Variants in MRE11 observed in about 807,000 individuals in gnomAD.
MRE11 encodes double-strand break repair protein MRE11.
A neutral mutation model predicts 91.7 loss-of-function variants in MRE11; 62 were observed. That is an observed-to-expected ratio of 0.68 (90% CI 0.55 to 0.84). The LOEUF (loss-of-function observed/expected upper bound fraction) is 0.84. Among genes scored for constraint, MRE11 ranks in the 40% least tolerant of loss-of-function variants. The probability of loss-of-function intolerance (pLI) is 0.00; values close to 1 mark genes in which losing one functional copy is unlikely to be tolerated. For missense variants in MRE11, 796 were observed against 852.9 expected (o/e 0.93, Z 0.83); for synonymous variants, 273 against 271.4 (o/e 1.01, Z -0.06).
intron 5 of MRE11, 84 bp from the exon 6 acceptor site, chr11:94,478,960 A>G (rs1946945735): frequency 7.1e-7 from 1 of 1,413,138 alleles, no homozygotes; most frequent in South Asian, 1.2e-5. Flanking sequence ...TTAAAAGCAT[A>G]CTCCATATTC....
chr11:94,427,790 A>T (rs747267815), intron 19 of MRE11, among the ~76,000 whole-genome samples: 2 of 152,220 alleles, frequency 1.3e-5, no homozygotes, highest in Non-Finnish European at 2.9e-5. Context: ...AATCCCATTT[A>T]CAATAGCTAC....
chr11:94,440,858 C>G (rs1189832087), intron 16 of MRE11, among the ~76,000 whole-genome samples: 3 of 152,126 alleles, frequency 2.0e-5, no homozygotes, highest in Non-Finnish European at 4.4e-5. Flanking sequence ...TCAGAGACTC[C>G]CTAAAAGGGG....
upstream of MRE11, chr11:94,498,000 A>G (rs1947440841): frequency 3.3e-6 from 4 of 1,209,292 alleles, no homozygotes; most frequent in East Asian, 9.5e-5. Flanking sequence ...ATCTAACACC[A>G]CAAGACAATT....
intron 3 of MRE11, 118 bp downstream of exon 3, chr11:94,490,715 T>C: frequency 7.6e-6 from 9 of 1,181,242 alleles, no homozygotes; most frequent in East Asian, 2.3e-5. Context: ...TATATTGATA[T>C]TCAAGCAGGC....
At chr11:94,432,827 C>T (rs779258081) in intron 18 of MRE11, among the ~76,000 whole-genome samples, 1 of 152,070 alleles carries the variant, frequency 6.6e-6, no homozygotes. Flanking sequence ...CAAAACAAAA[C>T]GAAACAAAAC....
In MRE11 at chr11:94,432,093, C is replaced by T. The variant is rs527317699; in HGVS notation, c.1995-2107G>A. 7.2e-5 allele frequency among the ~76,000 whole-genome samples: 11 copies of T among 152,270 alleles called. No individual in the cohort carries two copies. The South Asian group carries it at 2.1e-3, about 29-fold the overall frequency. ...AAACCTGAGGTATCCCGATAATCTT[C>T]CAATAAATCTCCTTTTCTGTAAGAG... On this transcript the variant is annotated intron_variant, in intron 18 of 19. Transcript: ENST00000323929.
At chr11:94,471,833 T>G (rs1946724895) in intron 7 of MRE11, 74 bp from the exon 8 acceptor site, 2 of 1,189,702 alleles carry the variant, frequency 1.7e-6, no homozygotes, top group Non-Finnish European at 2.4e-6. Flanking sequence ...ATACAGATCT[T>G]TCTTTCTCCA....
chr11:94,491,246 T>C (rs1349376988), intron 2 of MRE11, among the ~76,000 whole-genome samples: 1 of 152,204 alleles, frequency 6.6e-6, no homozygotes, highest in African/African-American at 2.4e-5. Context: ...TTTTACAAAC[T>C]CATGTAACCC....
At chr11:94,507,167 C>A in the MRE11 span, among the ~76,000 whole-genome samples, 2 of 152,186 alleles carry the variant, frequency 1.3e-5, no homozygotes, top group Non-Finnish European at 2.9e-5. Flanking sequence ...TCAAAGGTAA[C>A]TATAATCTAA....
intron 14 of MRE11, among the ~76,000 whole-genome samples, chr11:94,451,717 C>A (rs1946112221): frequency 6.6e-6 from 1 of 152,128 alleles, no homozygotes. Flanking sequence ...AAATGTATAT[C>A]TTCATAAAAT....
At chr11:94,442,935 C>G (rs1313550644) in intron 16 of MRE11, among the ~76,000 whole-genome samples, 1 of 152,086 alleles carries the variant, frequency 6.6e-6, no homozygotes, top group Admixed American at 6.6e-5. Flanking sequence ...GATACCACTC[C>G]CTAAATGGCA....
Position 94,467,457 on chromosome 11 carries a change from G to A in MRE11, c.1098+356C>T, listed in dbSNP as rs948349184. Among the ~76,000 whole-genome samples, 38 of 152,038 alleles carry A rather than the reference G, an allele frequency of 2.5e-4. 1 individual carries two copies. The highest frequency in any genetic ancestry group is 1.4e-3 in the Admixed American group (21 of 15,236). On this transcript the variant is annotated intron_variant, in intron 10 of 19. Transcript: ENST00000323929. ...TGATAGGGCTGCAGTGAGGTGACACGGGAGCAGACTAAAGGGAGATAAGAG... is the reference window on the plus strand; with the variant it reads ...TGATAGGGCTGCAGTGAGGTGACACAGGAGCAGACTAAAGGGAGATAAGAG...
At chr11:94,482,078 C>T (rs1430030131) in intron 4 of MRE11, among the ~76,000 whole-genome samples, 4 of 152,064 alleles carry the variant, frequency 2.6e-5, no homozygotes, top group Non-Finnish European at 5.9e-5. Context: ...TATGATAAAG[C>T]CCACGCGGAA....
At chr11:94,501,179 A>C in the MRE11 span, among the ~76,000 whole-genome samples, 1 of 152,210 alleles carries the variant, frequency 6.6e-6, no homozygotes, top group Non-Finnish European at 1.5e-5. Flanking sequence ...AGAAGGATTA[A>C]GTGTAGCTGA....
At chr11:94,425,435 C>T (rs917347825) in intron 19 of MRE11, among the ~76,000 whole-genome samples, 3 of 152,154 alleles carry the variant, frequency 2.0e-5, no homozygotes, top group African/African-American at 7.2e-5. Flanking sequence ...AAAGCAACTA[C>T]ATAATCAAGT....
At chr11:94,464,429 T>A (rs1310925720) in intron 10 of MRE11, among the ~76,000 whole-genome samples, 190 bp from the exon 11 acceptor site, 1 of 152,236 alleles carries the variant, frequency 6.6e-6, no homozygotes, top group African/African-American at 2.4e-5. Flanking sequence ...GAAAAGTTTA[T>A]AAGCATAAGC....
rs1323374714 is a variant in MRE11 at position 94,454,441 on chromosome 11, T to C, written c.1563+1835A>G. Reference sequence around the variant, plus strand: ...TAATAGTCTTGTTTGTCAGTATAAGTAATTTAAGCATGGCGCTGGGATTCA... The same window carrying C: ...TAATAGTCTTGTTTGTCAGTATAAGCAATTTAAGCATGGCGCTGGGATTCA... On this transcript the variant is annotated intron_variant, in intron 14 of 19. Transcript: ENST00000323929. Among the ~76,000 whole-genome samples, 4 of 152,136 alleles carry C rather than the reference T, an allele frequency of 2.6e-5. No individual in the cohort carries two copies. In the East Asian group the frequency reaches 7.7e-4, roughly 29 times the overall value.
intron 11 of MRE11, among the ~76,000 whole-genome samples, chr11:94,461,963 G>T (rs1200090451): frequency 6.6e-6 from 1 of 152,016 alleles, no homozygotes; most frequent in Non-Finnish European, 1.5e-5. Flanking sequence ...TAGTCCCAGC[G>T]ACTCGGGAGG....
At chr11:94,420,470 T>C (rs1945141386) in intron 19 of MRE11, among the ~76,000 whole-genome samples, 1 of 152,098 alleles carries the variant, frequency 6.6e-6, no homozygotes, top group Non-Finnish European at 1.5e-5. Flanking sequence ...GCCAGAAAAA[T>C]AATTCAAGTC....
Sources: allele counts gnomAD v4.1 joint callset (sites outside exome capture counted in the v4.1 genomes callset), GRCh38; gene constraint gnomAD v4.1.1; transcripts MANE v1.5; gene names NCBI Gene and HGNC (gene_info 2026-07-23, HGNC 2026-07-21).